Variants in SV2C observed in about 807,000 individuals in gnomAD.
SV2C encodes the protein solute carrier family 22 member B3.
In SV2C, 49 loss-of-function variants were observed where a neutral mutation model predicts 79.7. The observed-to-expected ratio is 0.61, with a 90% CI of 0.49 to 0.78. The LOEUF (loss-of-function observed/expected upper bound fraction) is 0.78, where lower values mean the gene tolerates loss of function less well. Ranked by LOEUF, SV2C falls within the 30% of genes least tolerant of loss-of-function variation. The probability of loss-of-function intolerance (pLI) is 0.00; values close to 1 mark genes in which losing one functional copy is unlikely to be tolerated. For synonymous variants in SV2C, 334 were observed against 333.2 expected, an observed-to-expected ratio of 1.00 and a Z score of -0.03; for missense variants, 833 against 912.9, an observed-to-expected ratio of 0.91 and a Z score of 1.13.
At chr5:76,155,737 C>T (rs1014243279) in intron 2 of SV2C, among the ~76,000 whole-genome samples, 3 of 151,952 alleles carry the variant, frequency 2.0e-5, no homozygotes, top group African/African-American at 2.4e-5. Flanking sequence ...TACTGCCCCA[C>T]CACCACTGAG....
At chr5:76,035,655 T>A in the SV2C span, among the ~76,000 whole-genome samples, 1 of 152,192 alleles carries the variant, frequency 6.6e-6, no homozygotes, top group Non-Finnish European at 1.5e-5. Context: ...TGAGGAGAGG[T>A]TTACTTCCAA....
At chr5:75,984,574 T>C in the SV2C span, among the ~76,000 whole-genome samples, 2 of 83,248 alleles carry the variant, frequency 2.4e-5, no homozygotes, top group Non-Finnish European at 3.7e-5. Flanking sequence ...TCTATATCTA[T>C]CTATCTATCT....
At chr5:75,911,267 C>T in the SV2C span, 1 of 1,468,874 alleles carries the variant, frequency 6.8e-7, no homozygotes, top group Admixed American at 1.7e-5. Context: ...CTCCCTAGCT[C>T]CCCAGCTCCA....
the SV2C span, among the ~76,000 whole-genome samples, chr5:76,028,762 A>G: frequency 6.6e-6 from 1 of 152,132 alleles, no homozygotes; most frequent in South Asian, 2.1e-4. Flanking sequence ...CAGGGAGGGA[A>G]TTGTCCTGTA....
chr5:76,271,918 G>A (rs1396521437), intron 4 of SV2C, among the ~76,000 whole-genome samples: 1 of 152,052 alleles, frequency 6.6e-6, no homozygotes, highest in Non-Finnish European at 1.5e-5. Flanking sequence ...GAGGCACAAG[G>A]ACCAGAAATT....
intron 1 of SV2C, among the ~76,000 whole-genome samples, chr5:76,121,204 T>G (rs1263280392): frequency 1.3e-5 from 2 of 152,198 alleles, no homozygotes; most frequent in African/African-American, 4.8e-5. Context: ...TGCCCACTTT[T>G]TGATGGGGTT....
At chr5:75,918,786 G>T in the SV2C span, among the ~76,000 whole-genome samples, 1 of 152,240 alleles carries the variant, frequency 6.6e-6, no homozygotes, top group South Asian at 2.1e-4. Flanking sequence ...GAGGGAAGAA[G>T]AGTTACACCA....
chr5:76,121,849 C>T (rs1394753413), intron 1 of SV2C, among the ~76,000 whole-genome samples: 1 of 151,686 alleles, frequency 6.6e-6, no homozygotes, highest in Non-Finnish European at 1.5e-5. Context: ...CTTGGCGATG[C>T]AGGCTCTTTT....
chr5:75,985,263 G>T, the SV2C span, among the ~76,000 whole-genome samples: 1 of 151,932 alleles, frequency 6.6e-6, no homozygotes, highest in Non-Finnish European at 1.5e-5. Context: ...TCACTCACCC[G>T]AGAGGGAGGG....
chr5:76,197,970 G>GA (rs1744324633), intron 3 of SV2C, among the ~76,000 whole-genome samples: 1 of 152,202 alleles, frequency 6.6e-6, no homozygotes, highest in African/African-American at 2.4e-5. Context: ...AGAACCTGGG[G>GA]ATCTGTTGTC....
chr5:75,933,555 A>G, the SV2C span, among the ~76,000 whole-genome samples: 10 of 152,080 alleles, frequency 6.6e-5, no homozygotes, highest in Non-Finnish European at 8.8e-5. Flanking sequence ...AAGGAGCCAG[A>G]CTCCTTTAAA....
the SV2C span, among the ~76,000 whole-genome samples, chr5:76,070,717 C>T: frequency 1.3e-5 from 2 of 152,220 alleles, no homozygotes; most frequent in Non-Finnish European, 2.9e-5. Flanking sequence ...GCTCTATGCT[C>T]TTCTGGTCTT....
At chr5:76,153,908 T>A (rs71630904) in intron 2 of SV2C, among the ~76,000 whole-genome samples, 14,729 of 152,266 alleles carry the variant, frequency 0.097, 900 homozygotes, top group Non-Finnish European at 0.13. Context: ...TCTTGCAGAT[T>A]GAAAAATACT....
At chr5:76,210,511 G>T (rs1294408185) in intron 4 of SV2C, among the ~76,000 whole-genome samples, 3 of 152,222 alleles carry the variant, frequency 2.0e-5, no homozygotes, top group Admixed American at 2.0e-4. Context: ...AAGGTATGTG[G>T]GAAGAGGTGA....
the SV2C span, among the ~76,000 whole-genome samples, chr5:75,861,878 C>T: frequency 6.6e-6 from 1 of 152,238 alleles, no homozygotes; most frequent in South Asian, 2.1e-4. Context: ...ATGCTCACTA[C>T]CTGGGTGATG....
chr5:76,257,307 CTGTA>C lies in SV2C; in HGVS notation c.914-27852_914-27849del, dbSNP rs1203494132. Reference sequence around the variant, plus strand: ...TGTGTGTGTAGTGTGTGTGTGGTATCTGTATGGTGTGTAGTGTGTGTGTGGTATC... The same window carrying C: ...TGTGTGTGTAGTGTGTGTGTGGTATCTGGTGTGTAGTGTGTGTGTGGTATC... On this transcript the variant is annotated intron_variant, in intron 4 of 12. Transcript: ENST00000502798. Among the ~76,000 whole-genome samples, 4 of 143,556 alleles carry C rather than the reference CTGTA, an allele frequency of 2.8e-5. No homozygotes were observed. In the South Asian group the frequency reaches 6.9e-4, roughly 25 times the overall value. The allele number at this position is 143,556 out of a possible 152,430, so 94.2% of individuals were successfully genotyped here. A position where few individuals can be genotyped will look rare whatever the true frequency, so the allele number is the denominator to read the frequency against.
chr5:76,347,628 G>A (rs1193136245), intron 12 of SV2C, among the ~76,000 whole-genome samples: 2 of 152,096 alleles, frequency 1.3e-5, no homozygotes, highest in African/African-American at 4.8e-5. Flanking sequence ...TTTTAATAGG[G>A]ACAGGATTTC....
At chr5:75,948,894 G>T in the SV2C span, among the ~76,000 whole-genome samples, 4 of 151,936 alleles carry the variant, frequency 2.6e-5, no homozygotes, top group Admixed American at 2.0e-4. Flanking sequence ...TGAAGGCTTT[G>T]ATTAGAACTT....
At chr5:75,970,272 G>A in the SV2C span, among the ~76,000 whole-genome samples, 2 of 152,016 alleles carry the variant, frequency 1.3e-5, no homozygotes, top group African/African-American at 2.4e-5. Flanking sequence ...AACTAGAGAA[G>A]CAAGAGCAAA....
Sources: gnomAD v4.1 joint callset for allele counts (sites outside exome capture counted in the v4.1 genomes callset) on GRCh38, gnomAD v4.1.1 for gene constraint, MANE v1.5 for transcripts, NCBI Gene and HGNC (gene_info 2026-07-23, HGNC 2026-07-21) for gene names.